The following HERC3 variants were observed in gnomAD, a reference collection of about 807,000 sequenced individuals.
HERC3 encodes the protein probable E3 ubiquitin-protein ligase HERC3.
In HERC3, 58 loss-of-function variants were observed where a neutral mutation model predicts 129.9. The ratio of observed to expected loss-of-function variants is 0.45; its 90% confidence interval spans 0.36 to 0.56. HERC3 has a LOEUF of 0.56. Ranked by LOEUF, HERC3 falls within the 20% of genes least tolerant of loss-of-function variation. HERC3 has a pLI of 0.00. For synonymous variants in HERC3, 430 were observed against 451.0 expected, an observed-to-expected ratio of 0.95 and a Z score of 0.59; for missense variants, 835 against 1,244.2, an observed-to-expected ratio of 0.67 and a Z score of 4.95.
intron 3 of HERC3, among the ~76,000 whole-genome samples, chr4:88,635,951 A>G (rs1319268190): frequency 6.6e-6 from 1 of 152,246 alleles, no homozygotes; most frequent in Non-Finnish European, 1.5e-5. Context: ...GCAAATGCTG[A>G]GGGAATTTGC....
chr4:88,580,362 T>C, the HERC3 span, among the ~76,000 whole-genome samples: 1 of 151,946 alleles, frequency 6.6e-6, no homozygotes, highest in Non-Finnish European at 1.5e-5. Context: ...CTGTTTCTAC[T>C]AAAAATACAA....
chr4:88,617,476 CT>C (rs1725034840), intron 3 of HERC3, among the ~76,000 whole-genome samples: 1 of 152,160 alleles, frequency 6.6e-6, no homozygotes, highest in Admixed American at 6.5e-5. Context: ...TGGCCTCATA[CT>C]ATATGAACTG....
chr4:88,580,830 G>T, the HERC3 span, among the ~76,000 whole-genome samples: 1 of 152,172 alleles, frequency 6.6e-6, no homozygotes, highest in Admixed American at 6.5e-5. Context: ...TTTATTGAAA[G>T]ATTTGGTAAG....
intron 23 of HERC3, chr4:88,692,756 C>A: frequency 4.1e-6 from 1 of 244,400 alleles, no homozygotes; most frequent in Non-Finnish European, 6.6e-6. Context: ...TTCAACGTTA[C>A]ACAGCTAGAA....
the HERC3 span, among the ~76,000 whole-genome samples, chr4:88,542,457 C>T: frequency 6.6e-6 from 1 of 151,568 alleles, no homozygotes; most frequent in Non-Finnish European, 1.5e-5. Context: ...TTAATAACAA[C>T]CAAAAAAAGT....
chr4:88,704,178 T>C lies in HERC3; in HGVS notation c.2738T>C (p.Phe913Ser). 6.2e-7 allele frequency: 1 copy of C among 1,614,104 alleles called. No homozygotes were observed. The highest frequency in any genetic ancestry group is 8.5e-7 in the Non-Finnish European group (1 of 1,179,938). ...HEWYTAFSSG[F>S]LKVCGGKVLE... is the part of the protein sequence containing the mutation. The stretch of plus-strand genomic sequence containing the variant: ...TGGTACACAGCCTTCTCTAGTGGCT[T>C]CCTAAAGGTGTGTGGTGGCAAAGTA... The change falls in exon 24 of 26, where the codon TTC becomes TCC. Residue 913 changes from phenylalanine (F) to serine (S), a missense_variant. Coordinates refer to ENST00000402738, the MANE Select transcript of HERC3 (RefSeq NM_014606.3).
the HERC3 span, among the ~76,000 whole-genome samples, chr4:88,538,419 A>C: frequency 2.0e-5 from 3 of 152,120 alleles, no homozygotes; most frequent in Non-Finnish European, 4.4e-5. Flanking sequence ...ACAATTCTTG[A>C]GGCTAGGTAT....
chr4:88,625,682 G>A (rs1165836623), intron 3 of HERC3, among the ~76,000 whole-genome samples: 2 of 151,890 alleles, frequency 1.3e-5, no homozygotes, highest in African/African-American at 4.8e-5. Context: ...TATTTTACTG[G>A]TATAGTAATG....
At chr4:88,581,825 C>A in the HERC3 span, among the ~76,000 whole-genome samples, 4 of 152,202 alleles carry the variant, frequency 2.6e-5, no homozygotes, top group African/African-American at 9.6e-5. Context: ...TAGAATTTTT[C>A]TGAATACAAC....
the HERC3 span, among the ~76,000 whole-genome samples, chr4:88,530,495 G>A: frequency 6.6e-6 from 1 of 152,206 alleles, no homozygotes. Context: ...GCTTAGGGGA[G>A]TGTCAGTATA....
chr4:88,595,841 CTTTTTTTTT>C (rs532515500), intron 2 of HERC3, among the ~76,000 whole-genome samples: 969 of 80,324 alleles, frequency 0.012, 16 homozygotes, highest in African/African-American at 0.044. Context: ...GCACTTAATT[CTTTTTTTTT>C]TTTTTTTTTT....
At chr4:88,651,395 G>A (rs1458612854) in intron 4 of HERC3, among the ~76,000 whole-genome samples, 2 of 152,140 alleles carry the variant, frequency 1.3e-5, no homozygotes, top group Non-Finnish European at 2.9e-5. Flanking sequence ...TGTCAAACAA[G>A]CCTTGGATTC....
the HERC3 span, among the ~76,000 whole-genome samples, chr4:88,582,535 G>A: frequency 1.3e-5 from 2 of 152,184 alleles, no homozygotes; most frequent in African/African-American, 4.8e-5. Context: ...ATATTTGACT[G>A]AGGGAAGTTC....
chr4:88,696,742 C>T (rs1734635919), intron 23 of HERC3: 1 of 155,054 alleles, frequency 6.4e-6, no homozygotes. Flanking sequence ...TCAAAGATGA[C>T]GTTTTTCTTG....
At chr4:88,675,650 C>T (rs1732082531) in intron 16 of HERC3, among the ~76,000 whole-genome samples, 7 of 151,694 alleles carry the variant, frequency 4.6e-5, no homozygotes, top group Admixed American at 4.6e-4. Context: ...AGTTTATTCA[C>T]AGGTGCATTC....
At chr4:88,548,076 C>T in the HERC3 span, among the ~76,000 whole-genome samples, 1 of 152,070 alleles carries the variant, frequency 6.6e-6, no homozygotes, top group Non-Finnish European at 1.5e-5. Flanking sequence ...TGTGGATATA[C>T]CGTATTTTAT....
At position 88,676,519 on chromosome 4, in the gene HERC3, G is replaced by T. The variant is rs1578294740; in HGVS notation, c.2025+96G>T. ...TTTCTAGTAGGAGAAAACATATTTG[G>T]TTGAAATTCCATTGTAATTCTTAAA... On this transcript the variant is annotated intron_variant, in intron 18 of 25. Transcript: ENST00000402738. The T allele has an allele frequency of 4.7e-6, 4 of 854,522 alleles. No homozygotes were observed. In the South Asian group the frequency reaches 6.2e-5, roughly 13 times the overall value. The allele number at this position is 854,522 out of a possible 1,614,324, so 52.9% of individuals were successfully genotyped here.
At chr4:88,617,531 G>A (rs368019958) in intron 3 of HERC3, among the ~76,000 whole-genome samples, 6 of 152,302 alleles carry the variant, frequency 3.9e-5, no homozygotes, top group African/African-American at 1.4e-4. Context: ...GATTGAAACA[G>A]CAAGTTCTAC....
intron 7 of HERC3, 91 bp from the exon 8 acceptor site, chr4:88,655,083 G>A (rs1256286066): frequency 3.8e-6 from 5 of 1,331,506 alleles, no homozygotes; most frequent in Non-Finnish European, 5.2e-6. Context: ...GTGCTCTTGT[G>A]CACATTGTTG....
Sources: gnomAD v4.1 joint callset for allele counts (sites outside exome capture counted in the v4.1 genomes callset) on GRCh38, gnomAD v4.1.1 for gene constraint, MANE v1.5 for transcripts, NCBI Gene and HGNC (gene_info 2026-07-23, HGNC 2026-07-21) for gene names.